Variants in FAM13A observed in about 807,000 individuals in gnomAD.
FAM13A encodes the protein family with sequence similarity 13 member A.
In FAM13A, 76 loss-of-function variants were observed where a neutral mutation model predicts 129.6. The ratio of observed to expected loss-of-function variants is 0.59; its 90% CI spans 0.49 to 0.71. The LOEUF (loss-of-function observed/expected upper bound fraction) is 0.71, where lower values mean the gene tolerates loss of function less well. FAM13A is among the 30% of genes least tolerant of loss of function. The probability of loss-of-function intolerance (pLI) is 0.00; values close to 1 mark genes in which losing one functional copy is unlikely to be tolerated. For synonymous variants in FAM13A, 443 were observed against 449.9 expected, an observed-to-expected ratio of 0.98 and a Z score of 0.20; for missense variants, 1,108 against 1,249.3, an observed-to-expected ratio of 0.89 and a Z score of 1.70.
chr4:88,962,494 A>G (rs994860397), intron 4 of FAM13A, among the ~76,000 whole-genome samples: 20 of 152,210 alleles, frequency 1.3e-4, no homozygotes, highest in Admixed American at 1.2e-3. Flanking sequence ...TTCACAGAAC[A>G]GGGAGTTTGG....
At chr4:88,893,840 A>AAAG (rs1554019198) in intron 6 of FAM13A, among the ~76,000 whole-genome samples, 4 of 151,586 alleles carry the variant, frequency 2.6e-5, no homozygotes, top group Admixed American at 1.3e-4. Flanking sequence ...AAAAAAAAAA[A>AAAG]AAAGAAACAG....
chr4:88,821,873 G>A (rs185911879), intron 7 of FAM13A, among the ~76,000 whole-genome samples: 3 of 152,172 alleles, frequency 2.0e-5, no homozygotes, highest in African/African-American at 4.8e-5. Flanking sequence ...TGTTAGTACA[G>A]TGAAGGAAAA....
chr4:88,750,654 G>T lies in FAM13A; in HGVS notation c.1727-17C>A. On this transcript the variant is annotated splice_polypyrimidine_tract_variant and intron_variant, in intron 14 of 23. Transcript: ENST00000264344. ...GGATAGGCTCTGGAAGATAAGGGCA[G>T]TAAGATCAGGACTGTTCCTGAAAGA... The T allele has an allele frequency of 6.4e-7, 1 of 1,557,216 alleles. No homozygotes were observed. The highest frequency in any genetic ancestry group is 8.6e-7 in the Non-Finnish European group (1 of 1,156,934).
intron 5 of FAM13A, chr4:88,937,798 T>C (rs770772336): frequency 2.2e-6 from 1 of 455,860 alleles, no homozygotes; most frequent in Non-Finnish European, 3.9e-6. Flanking sequence ...CAGGCTTCTG[T>C]AGTAAAGGTG....
intron 3 of FAM13A, among the ~76,000 whole-genome samples, chr4:89,014,227 A>G (rs1766148118): frequency 6.6e-6 from 1 of 152,216 alleles, no homozygotes; most frequent in Admixed American, 6.5e-5. Context: ...AGCCTACCGT[A>G]TTTGCCATTG....
chr4:88,854,384 G>A (rs1201581357), intron 6 of FAM13A, among the ~76,000 whole-genome samples: 24 of 152,144 alleles, frequency 1.6e-4, no homozygotes, highest in Admixed American at 1.6e-3. Context: ...GAATGTGCTG[G>A]AAAGACATAC....
At chr4:88,974,828 G>C (rs1027713330) in intron 4 of FAM13A, among the ~76,000 whole-genome samples, 6 of 152,152 alleles carry the variant, frequency 3.9e-5, no homozygotes, top group Non-Finnish European at 7.3e-5. Flanking sequence ...TCAGAGTTAG[G>C]TAAGTTTGAA....
intron 4 of FAM13A, among the ~76,000 whole-genome samples, chr4:88,972,130 CCTAA>C (rs1760181426): frequency 6.6e-6 from 1 of 151,054 alleles, no homozygotes; most frequent in South Asian, 2.1e-4. Flanking sequence ...TTTTTTTTAC[CCTAA>C]CTCATTCCTT....
At chr4:88,877,657 T>C (rs568513399) in intron 6 of FAM13A, among the ~76,000 whole-genome samples, 3 of 152,354 alleles carry the variant, frequency 2.0e-5, no homozygotes, top group Non-Finnish European at 4.4e-5. Context: ...CTCTACTGTC[T>C]ATTTTTGGTT....
chr4:88,924,104 A>G (rs577855697), intron 5 of FAM13A, among the ~76,000 whole-genome samples: 24 of 152,330 alleles, frequency 1.6e-4, no homozygotes, highest in African/African-American at 5.8e-4. Flanking sequence ...GGAAGAATCA[A>G]TATCGTGAAA....
intron 4 of FAM13A, among the ~76,000 whole-genome samples, chr4:88,959,964 A>G (rs1048177599): frequency 6.6e-6 from 1 of 152,176 alleles, no homozygotes. Flanking sequence ...CCCTTCCATT[A>G]TACACAGTAG....
In FAM13A at chr4:88,739,654, G is replaced by A. The variant is rs186859164; in HGVS notation, c.2467-529C>T. On this transcript the variant is annotated intron_variant, in intron 19 of 23. Transcript: ENST00000264344. ...AAAAAAAAAATTAGCTGAGTGTGGT[G>A]GTGGGTGCCTGTAGTCCCAGCTATG... is the stretch of plus-strand genomic sequence containing the variant. Among the ~76,000 whole-genome samples, 279 of 151,010 alleles carry A rather than the reference G, an allele frequency of 1.8e-3. 1 individual carries two copies. The highest frequency in any genetic ancestry group is 5.5e-3 in the African/African-American group (228 of 41,134).
In FAM13A at chr4:89,006,877, G is replaced by T. The variant is rs541717866; in HGVS notation, c.427+13583C>A. The stretch of plus-strand genomic sequence containing the variant: ...CTGGGCTCCCTTCTGAAGTTAAGCC[G>T]CATCTATCCATAGTCTCAGACACTC... On this transcript the variant is annotated intron_variant, in intron 3 of 23. Coordinates refer to ENST00000264344, the MANE Select transcript of FAM13A (RefSeq NM_014883.4). Among the ~76,000 whole-genome samples the T allele has an allele frequency of 1.8e-4, 27 of 152,234 alleles. 1 individual carries two copies. The highest frequency in any genetic ancestry group is 6.5e-4 in the African/African-American group (27 of 41,562).
At chr4:88,892,173 C>CTTTTTT (rs1183640454) in intron 6 of FAM13A, among the ~76,000 whole-genome samples, 5 of 67,906 alleles carry the variant, frequency 7.4e-5, no homozygotes, top group African/African-American at 1.8e-4. Flanking sequence ...AAGATCCTGT[C>CTTTTTT]TTTTTTTTTT....
chr4:88,795,332 A>G (rs1032190867), intron 8 of FAM13A, among the ~76,000 whole-genome samples: 1 of 151,862 alleles, frequency 6.6e-6, no homozygotes, highest in Non-Finnish European at 1.5e-5. Context: ...TACTCTTCAC[A>G]GCTATATCTT....
chr4:88,957,210 C>T (rs1279082965), intron 4 of FAM13A, among the ~76,000 whole-genome samples: 1 of 152,110 alleles, frequency 6.6e-6, no homozygotes, highest in African/African-American at 2.4e-5. Flanking sequence ...CCGGCAGTCC[C>T]ATCTACTAGG....
intron 6 of FAM13A, among the ~76,000 whole-genome samples, chr4:88,904,471 A>G (rs1262825452): frequency 6.6e-6 from 1 of 152,198 alleles, no homozygotes; most frequent in African/African-American, 2.4e-5. Context: ...TTTCTAGGAC[A>G]TGGATGGAGC....
chr4:88,822,191 A>G (rs1003033884), intron 7 of FAM13A, among the ~76,000 whole-genome samples: 4 of 152,228 alleles, frequency 2.6e-5, no homozygotes, highest in Admixed American at 1.3e-4. Context: ...CAATATGATT[A>G]GCAAAGGTAA....
intron 3 of FAM13A, among the ~76,000 whole-genome samples, chr4:89,015,821 C>T (rs772721126): frequency 5.9e-5 from 9 of 151,776 alleles, no homozygotes; most frequent in Admixed American, 6.6e-5. Flanking sequence ...TACATATATA[C>T]GTGTATGTTA....
Sources: allele counts gnomAD v4.1 joint callset (sites outside exome capture counted in the v4.1 genomes callset), GRCh38; gene constraint gnomAD v4.1.1; transcripts MANE v1.5; gene names NCBI Gene and HGNC (gene_info 2026-07-23, HGNC 2026-07-21).